MVP: variants seen among roughly 807,000 people sequenced by gnomAD.
The protein encoded by MVP is lung resistance-related protein.
A neutral mutation model predicts 83.5 loss-of-function variants in MVP; 62 were observed. The observed-to-expected ratio is 0.74, with a 90% CI of 0.61 to 0.92. The LOEUF (loss-of-function observed/expected upper bound fraction) is 0.92. Among genes scored for constraint, MVP ranks in the 40% least tolerant of loss-of-function variants. The pLI is 0.00. For missense variants in MVP, 1,000 were observed against 1,203.4 expected (o/e 0.83, Z 2.50); for synonymous variants, 505 against 504.1 (o/e 1.00, Z -0.02).
intron 10 of MVP, among the ~76,000 whole-genome samples, chr16:29,843,582 A>AAGGG (rs1567395419): frequency 5.2e-5 from 1 of 19,172 alleles, no homozygotes; most frequent in African/African-American, 3.3e-4. Flanking sequence ...GGGAGGGAGG[A>AAGGG]AGGGAGGAAG....
chr16:29,821,516 C>T (rs1192312860), intron 1 of MVP: 2 of 152,446 alleles, frequency 1.3e-5, no homozygotes, highest in Non-Finnish European at 2.9e-5. Context: ...GGCGCTGGCC[C>T]AACTTACAGG....
intron 14 of MVP, 66 bp downstream of exon 14, chr16:29,847,451 C>G: frequency 8.4e-6 from 12 of 1,432,156 alleles, no homozygotes; most frequent in Non-Finnish European, 1.1e-5. Context: ...AGAGCCAAGG[C>G]GGAAAACACA....
chr16:29,824,393 T>C (rs1275258373), intron 1 of MVP, among the ~76,000 whole-genome samples: 2 of 152,084 alleles, frequency 1.3e-5, no homozygotes, highest in Non-Finnish European at 2.9e-5. Flanking sequence ...GCTGTGTTGC[T>C]ATCAAGCCTC....
At chr16:29,826,553 G>A (rs2067405609) in intron 1 of MVP, among the ~76,000 whole-genome samples, 1 of 151,388 alleles carries the variant, frequency 6.6e-6, no homozygotes, top group East Asian at 1.9e-4. Context: ...CTTGAGCTGA[G>A]GAGTTCAAGG....
chr16:29,821,345 G>A (rs2067358161), intron 1 of MVP: 1 of 152,246 alleles, frequency 6.6e-6, no homozygotes, highest in African/African-American at 2.4e-5. Context: ...CGGCCCTCGG[G>A]TGTGGCTGTT....
chr16:29,831,115 C>G, intron 3 of MVP, 42 bp downstream of exon 3: 1 of 1,570,464 alleles, frequency 6.4e-7, no homozygotes, highest in African/African-American at 1.3e-5. Flanking sequence ...CCTACCTGTC[C>G]TCCACCTGCC....
intron 7 of MVP, 181 bp from the exon 8 acceptor site, chr16:29,839,997 C>T (rs1216517422): frequency 1.1e-5 from 6 of 562,754 alleles, no homozygotes; most frequent in Admixed American, 3.3e-5. Context: ...ATTTGGCAGG[C>T]GTTTGTGTAG....
Position 29,833,734 on chromosome 16 carries a change from A to C in MVP, c.323A>C (p.Asp108Ala), listed in dbSNP as rs1412314361. 1.9e-6 allele frequency: 3 copies of C among 1,613,910 alleles called. No individual in the cohort carries two copies. The highest frequency in any genetic ancestry group is 2.5e-6 in the Non-Finnish European group (3 of 1,179,954). ...PLYPGEVLEKDITPLQVVLPN... is the reference protein window; with the variant it reads ...PLYPGEVLEKAITPLQVVLPN... ...TGTCTCCACCTTCTTCCCCACTAGGACATCACACCCCTGCAGGTGGTTCTG... is the reference window on the plus strand; with the variant it reads ...TGTCTCCACCTTCTTCCCCACTAGGCCATCACACCCCTGCAGGTGGTTCTG... Residue 108 changes from aspartate (D) to alanine (A), a missense_variant and splice_region_variant, in exon 4 of 15, where the codon GAC becomes GCC. Physicochemically the swap from Asp to Ala is moderately radical, Grantham distance 126 (BLOSUM62 -2). Transcript: ENST00000357402.
intron 1 of MVP, among the ~76,000 whole-genome samples, chr16:29,828,832 A>G (rs1357435984): frequency 6.6e-6 from 1 of 152,184 alleles, no homozygotes; most frequent in Non-Finnish European, 1.5e-5. Flanking sequence ...CTGGTCTTCT[A>G]ATTCTTCAAG....
chr16:29,844,307 C>T (rs969288046), intron 10 of MVP, among the ~76,000 whole-genome samples, 186 bp from the exon 11 acceptor site: 3 of 152,082 alleles, frequency 2.0e-5, no homozygotes, highest in African/African-American at 4.8e-5. Flanking sequence ...AAGTTCTTCT[C>T]GGAGAGAGTT....
At chr16:29,846,588 T>C (rs1302321104) in intron 13 of MVP, among the ~76,000 whole-genome samples, 1 of 152,202 alleles carries the variant, frequency 6.6e-6, no homozygotes, top group Admixed American at 6.5e-5. Context: ...CCGGGTGCAG[T>C]GGCTCACGCC....
chr16:29,835,983 G>A (rs1382669913), intron 6 of MVP, among the ~76,000 whole-genome samples, 185 bp downstream of exon 6: 2 of 152,026 alleles, frequency 1.3e-5, no homozygotes, highest in Admixed American at 1.3e-4. Flanking sequence ...AGTCTTTCTG[G>A]GGCTGGGCGC....
intron 13 of MVP, 68 bp from the exon 14 acceptor site, chr16:29,847,129 C>A: frequency 6.5e-7 from 1 of 1,530,138 alleles, no homozygotes; most frequent in Non-Finnish European, 8.9e-7. Context: ...TTCAAGGCTG[C>A]AGTGAGTCCT....
chr16:29,844,210 G>A (rs182937436), intron 10 of MVP, among the ~76,000 whole-genome samples: 10 of 152,288 alleles, frequency 6.6e-5, no homozygotes, highest in Admixed American at 2.6e-4. Flanking sequence ...AAAGGAGAAC[G>A]TGTGTTAAGT....
intron 10 of MVP, among the ~76,000 whole-genome samples, chr16:29,842,382 T>G (rs1415054147): frequency 3.3e-5 from 5 of 152,140 alleles, no homozygotes; most frequent in Non-Finnish European, 7.3e-5. Context: ...CTTGGCTCAC[T>G]GCAACCCCCA....
intron 14 of MVP, 62 bp from the exon 15 acceptor site, chr16:29,847,700 G>A: frequency 4.6e-6 from 7 of 1,509,282 alleles, no homozygotes; most frequent in Non-Finnish European, 6.4e-6. Context: ...CTTAAGGAGG[G>A]TCACTCTGAA....
chr16:29,822,926 C>T (rs1189255520), intron 1 of MVP, among the ~76,000 whole-genome samples: 1 of 151,996 alleles, frequency 6.6e-6, no homozygotes, highest in Non-Finnish European at 1.5e-5. Context: ...CCATGTTGGC[C>T]AGGCTGGTCT....
intron 3 of MVP, chr16:29,831,858 G>C (rs1380965803): frequency 2.7e-6 from 1 of 370,362 alleles, no homozygotes; most frequent in Non-Finnish European, 5.4e-6. Flanking sequence ...GCCTGGGCCT[G>C]AGCAGGTGGG....
Position 29,836,796 on chromosome 16 carries a change from G to A in MVP, c.747G>A (p.Trp249Ter), listed in dbSNP as rs926674606. Residue 249 changes from tryptophan (W) to a stop codon, truncating the protein, a stop_gained, in exon 7 of 15, where the codon TGG becomes TGA. Transcript: ENST00000357402. LOFTEE classifies it high-confidence loss of function. The stretch of plus-strand genomic sequence containing the variant: ...TGTCCCGCCGCACTGGGGAGGAGTG[G>A]CTGGTAACAGTGCAGGACACAGAGG... Reference protein sequence around the residue: ...RGVSRRTGEEWLVTVQDTEAH... With the variant: ...RGVSRRTGEE 7 of 1,613,446 alleles carry A rather than the reference G, an allele frequency of 4.3e-6. No individual in the cohort carries two copies. Among genetic ancestry groups the A allele is most frequent in the South Asian group, 1.1e-5 (1 of 91,038 alleles).
Sources: gnomAD v4.1 joint callset for allele counts (sites outside exome capture counted in the v4.1 genomes callset) on GRCh38, gnomAD v4.1.1 for gene constraint, MANE v1.5 for transcripts, NCBI Gene and HGNC (gene_info 2026-07-23, HGNC 2026-07-21) for gene names.